The following DNAH9 variants were observed in gnomAD, a reference collection of about 807,000 sequenced individuals.
The protein encoded by DNAH9 is DNAH9 variant protein.
DNAH9 carries 345 observed loss-of-function variants against 471.6 expected under a neutral mutation model. The observed-to-expected ratio is 0.73, with a 90% CI of 0.67 to 0.80. The LOEUF (loss-of-function observed/expected upper bound fraction) is 0.80, where lower values mean the gene tolerates loss of function less well. Among genes scored for constraint, DNAH9 ranks in the 30% least tolerant of loss-of-function variants. DNAH9 has a pLI of 0.00. For synonymous variants in DNAH9, 2,093 were observed against 2,123.6 expected (o/e 0.99, Z 0.40); for missense variants, 5,407 against 5,609.2 (o/e 0.96, Z 1.15).
At chr17:11,714,345 A>C (rs1257324307) in intron 26 of DNAH9, among the ~76,000 whole-genome samples, 2 of 152,094 alleles carry the variant, frequency 1.3e-5, no homozygotes, top group Non-Finnish European at 2.9e-5. Context: ...TTTCACTGTT[A>C]ATATTATTTA....
At chr17:11,640,574 C>T (rs1421655710) in intron 10 of DNAH9, among the ~76,000 whole-genome samples, 190 bp downstream of exon 10, 2 of 152,236 alleles carry the variant, frequency 1.3e-5, no homozygotes, top group Non-Finnish European at 2.9e-5. Context: ...GACTGAAGGG[C>T]AGGGCCCTTG....
chr17:11,859,084 CAAAAAAAAAAA>C (rs56040033), intron 50 of DNAH9, among the ~76,000 whole-genome samples: 2 of 64,374 alleles, frequency 3.1e-5, no homozygotes, highest in Non-Finnish European at 5.6e-5. Flanking sequence ...AACCCCGTCT[CAAAAAAAAAAA>C]AAAAAAAAAA....
At position 11,937,501 on chromosome 17, in the gene DNAH9, G is replaced by A. The variant is rs747317448; in HGVS notation, c.12639G>A (p.Ala4213=). The part of the protein sequence containing the change: ...QPRDSQARDG[A]GATREEKVKA... ...GGGACAGCCAGGCCAGAGACGGAGCGGGCGCCACAAGAGAAGAAAAGGTGT... is the reference window on the plus strand; with the variant it reads ...GGGACAGCCAGGCCAGAGACGGAGCAGGCGCCACAAGAGAAGAAAAGGTGT... The change falls in exon 66 of 69, where the codon GCG becomes GCA. Residue 4213 remains alanine, a synonymous_variant. Coordinates refer to ENST00000262442, the MANE Select transcript of DNAH9 (RefSeq NM_001372.4). This position sits in a 1 kb window ranked among gnomAD's most constrained non-coding sequence, Gnocchi z 4.1. 7.4e-6 allele frequency: 12 copies of A among 1,612,798 alleles called. 1 individual carries two copies. The highest frequency in any genetic ancestry group is 6.6e-5 in the South Asian group (6 of 91,022).
At chr17:11,859,084 C>CAAAAA (rs56040033) in intron 50 of DNAH9, among the ~76,000 whole-genome samples, 8 of 64,362 alleles carry the variant, frequency 1.2e-4, no homozygotes, top group Admixed American at 2.2e-4. Flanking sequence ...AACCCCGTCT[C>CAAAAA]AAAAAAAAAA....
At chr17:11,941,540 G>A (rs1974907093) in intron 66 of DNAH9, among the ~76,000 whole-genome samples, 2 of 152,144 alleles carry the variant, frequency 1.3e-5, no homozygotes, top group South Asian at 4.1e-4. Flanking sequence ...ACTTGTCCTA[G>A]CTCCCCTGAT....
chr17:11,820,083 G>T (rs1228765424), intron 45 of DNAH9, among the ~76,000 whole-genome samples: 1 of 152,068 alleles, frequency 6.6e-6, no homozygotes, highest in Non-Finnish European at 1.5e-5. Flanking sequence ...GTTTGGGGGT[G>T]ATATCTATTA....
intron 17 of DNAH9, among the ~76,000 whole-genome samples, chr17:11,679,494 C>T (rs560576587): frequency 1.1e-4 from 17 of 152,350 alleles, no homozygotes; most frequent in African/African-American, 4.1e-4. Flanking sequence ...CCAAATCACA[C>T]ATTACATTTA....
chr17:11,911,893 C>T (rs1235051497), intron 61 of DNAH9, among the ~76,000 whole-genome samples: 1 of 146,298 alleles, frequency 6.8e-6, no homozygotes, highest in Non-Finnish European at 1.5e-5. Context: ...TGATCTTCTT[C>T]AAACTTGCTG....
intron 1 of DNAH9, among the ~76,000 whole-genome samples, chr17:11,606,641 G>C (rs1031547618): frequency 6.6e-6 from 1 of 151,330 alleles, no homozygotes; most frequent in Non-Finnish European, 1.5e-5. Context: ...GTAGAGACAG[G>C]GTTTCACCAT....
At chr17:11,719,909 G>A (rs16945237) in intron 27 of DNAH9, among the ~76,000 whole-genome samples, 4,115 of 152,190 alleles carry the variant, frequency 0.027, 135 homozygotes, top group South Asian at 0.11. Context: ...AAAGCTTGAC[G>A]TATTTGTGCT....
intron 61 of DNAH9, among the ~76,000 whole-genome samples, chr17:11,922,581 T>C (rs1974172343): frequency 6.6e-6 from 1 of 152,200 alleles, no homozygotes; most frequent in African/African-American, 2.4e-5. Flanking sequence ...CATTTGTGTG[T>C]GTGGTCATTC....
chr17:11,896,549 G>A (rs369051633), intron 59 of DNAH9, among the ~76,000 whole-genome samples: 9 of 152,052 alleles, frequency 5.9e-5, no homozygotes, highest in African/African-American at 2.2e-4. Flanking sequence ...TGAATGAGAA[G>A]GGAAATAATA....
At chr17:11,887,988 G>GT (rs548088382) in intron 57 of DNAH9, among the ~76,000 whole-genome samples, 24,342 of 143,634 alleles carry the variant, frequency 0.17, 2,061 homozygotes, top group East Asian at 0.28. Context: ...ATGGTTTTTT[G>GT]TTTTTTTTTT....
chr17:11,743,278 C>G (rs1056039896), intron 30 of DNAH9, among the ~76,000 whole-genome samples: 3 of 152,162 alleles, frequency 2.0e-5, no homozygotes, highest in Admixed American at 6.5e-5. Flanking sequence ...TTAAATGAAC[C>G]CTTAATGATT....
chr17:11,791,287 T>C (rs1969055217), intron 41 of DNAH9, among the ~76,000 whole-genome samples: 2 of 152,346 alleles, frequency 1.3e-5, no homozygotes, highest in East Asian at 1.9e-4. Context: ...AAATTACCTT[T>C]AGACTTATCA....
intron 52 of DNAH9, chr17:11,873,530 G>A (rs1972359332): frequency 6.6e-6 from 1 of 152,192 alleles, no homozygotes; most frequent in Non-Finnish European, 1.5e-5. Flanking sequence ...GTTTGGAGAG[G>A]TTTCCCTGGG....
Position 11,969,399 on chromosome 17 carries a change from G to A in DNAH9, c.13333G>A (p.Val4445Ile). ...IPADKQDCRS[V>I]YSCPVYKTSQ... ...TGCAGATAAGCAGGACTGCCGCAGTGTCTATTCCTGTCCTGTGTACAAGAC... is the reference window on the plus strand; with the variant it reads ...TGCAGATAAGCAGGACTGCCGCAGTATCTATTCCTGTCCTGTGTACAAGAC... The change falls in exon 69 of 69, where the codon GTC becomes ATC. Residue 4445 changes from valine (V) to isoleucine (I), a missense_variant. By Grantham distance (29) the Val-to-Ile change is conservative. Transcript: ENST00000262442. 2.5e-6 allele frequency: 4 copies of A among 1,614,092 alleles called. No individual in the cohort carries two copies. The highest frequency in any genetic ancestry group is 3.4e-6 in the Non-Finnish European group (4 of 1,180,012).
At chr17:11,727,284 C>A (rs1302037896) in intron 27 of DNAH9, among the ~76,000 whole-genome samples, 1 of 152,048 alleles carries the variant, frequency 6.6e-6, no homozygotes, top group African/African-American at 2.4e-5. Context: ...CTTCCCTGCT[C>A]TCATTTGAAA....
chr17:11,756,773 A>C (rs187830220), intron 34 of DNAH9, 97 bp downstream of exon 34: 13 of 764,942 alleles, frequency 1.7e-5, no homozygotes, highest in Non-Finnish European at 2.5e-5. Context: ...GAATCTCCAC[A>C]TGGGAGCCAG....
Sources: allele counts gnomAD v4.1 joint callset (sites outside exome capture counted in the v4.1 genomes callset), GRCh38; gene constraint gnomAD v4.1.1; non-coding constraint Gnocchi (gnomAD v3.1); transcripts MANE v1.5; gene names NCBI Gene and HGNC (gene_info 2026-07-23, HGNC 2026-07-21).